Variants in RORB observed in about 807,000 individuals in gnomAD.
The protein encoded by RORB is RAR related orphan receptor B, also known as nuclear receptor ROR-beta.
RORB carries 6 observed loss-of-function variants against 59.1 expected under a neutral mutation model. The ratio of observed to expected loss-of-function variants is 0.10; its 90% CI spans 0.06 to 0.20. RORB has a LOEUF of 0.20. RORB is among the 10% of genes least tolerant of loss of function. The pLI is 1.00. For missense variants in RORB, 320 were observed against 560.5 expected, an observed-to-expected ratio of 0.57 and a Z score of 4.33; for synonymous variants, 215 against 204.5, an observed-to-expected ratio of 1.05 and a Z score of -0.44.
At chr9:74,550,842 G>A (rs1171634114) in intron 1 of RORB, among the ~76,000 whole-genome samples, 3 of 152,194 alleles carry the variant, frequency 2.0e-5, no homozygotes, top group Non-Finnish European at 4.4e-5. Context: ...CAGTTGAAAT[G>A]TGGCCAGTCC....
chr9:74,585,493 A>G (rs981272127), intron 1 of RORB, among the ~76,000 whole-genome samples: 5 of 152,190 alleles, frequency 3.3e-5, no homozygotes, highest in African/African-American at 1.2e-4. Context: ...GAAGTTGTCA[A>G]ACTGAAAATG....
intron 1 of RORB, among the ~76,000 whole-genome samples, chr9:74,561,382 T>G (rs1014817748): frequency 2.0e-5 from 3 of 152,132 alleles, no homozygotes; most frequent in Non-Finnish European, 4.4e-5. Flanking sequence ...ATAAATAACA[T>G]AAGCCTATAC....
intron 1 of RORB, among the ~76,000 whole-genome samples, chr9:74,602,591 C>T (rs940353187): frequency 6.6e-6 from 1 of 152,190 alleles, no homozygotes; most frequent in African/African-American, 2.4e-5. Context: ...ACTGTTATGA[C>T]CCTAAGCTAT....
chr9:74,640,059 A>G (rs1823772317), intron 3 of RORB, among the ~76,000 whole-genome samples: 1 of 152,234 alleles, frequency 6.6e-6, no homozygotes, highest in Admixed American at 6.5e-5. Context: ...AAAAACAACC[A>G]TCTAAATAAT....
At chr9:74,620,796 G>A (rs539487946) in intron 1 of RORB, among the ~76,000 whole-genome samples, 8 of 152,044 alleles carry the variant, frequency 5.3e-5, no homozygotes, top group East Asian at 3.9e-4. Flanking sequence ...CCTTCATTTC[G>A]TTATGTACCC....
At chr9:74,676,731 C>T (rs1824449261) in intron 9 of RORB, among the ~76,000 whole-genome samples, 1 of 152,246 alleles carries the variant, frequency 6.6e-6, no homozygotes, top group African/African-American at 2.4e-5. Flanking sequence ...GTATTTCTGG[C>T]TGGCCAGAAA....
chr9:74,679,039 A>C (rs1439605789), intron 9 of RORB, among the ~76,000 whole-genome samples: 1 of 150,828 alleles, frequency 6.6e-6, no homozygotes, highest in Non-Finnish European at 1.5e-5. Flanking sequence ...CTCAAAAAAA[A>C]AAAACAAAAA....
intron 2 of RORB, among the ~76,000 whole-genome samples, chr9:74,632,106 G>A (rs1057266325): frequency 2.0e-5 from 3 of 152,138 alleles, no homozygotes; most frequent in African/African-American, 7.2e-5. Context: ...TTTGAAAAAT[G>A]TGTGATTTCA....
intron 7 of RORB, 33 bp downstream of exon 7, chr9:74,665,628 T>C: frequency 7.6e-7 from 1 of 1,316,696 alleles, no homozygotes. Flanking sequence ...CACAATTTTA[T>C]TAGCCACCAT....
At chr9:74,554,631 C>G (rs1025046126) in intron 1 of RORB, among the ~76,000 whole-genome samples, 2 of 151,684 alleles carry the variant, frequency 1.3e-5, no homozygotes, top group African/African-American at 2.4e-5. Context: ...TTTATCTGAT[C>G]ATAGCTTCAA....
At position 74,542,819 on chromosome 9, in the gene RORB, G is replaced by A. The variant is rs1391476750; in HGVS notation, c.7+44836G>A. 2.0e-5 allele frequency among the ~76,000 whole-genome samples: 3 copies of A among 152,260 alleles called. No individual in the cohort carries two copies. In the East Asian group the frequency reaches 5.8e-4, roughly 29 times the overall value. ...TCTCAGGGTCTACTTAAAAGGTAGT[G>A]GGGTATTGTGGAAAGCCTCTGGGAG... On this transcript the variant is annotated intron_variant, in intron 1 of 9. Transcript: ENST00000376896.
chr9:74,649,042 C>A (rs1823949091), intron 4 of RORB, among the ~76,000 whole-genome samples: 1 of 151,690 alleles, frequency 6.6e-6, no homozygotes, highest in African/African-American at 2.4e-5. Flanking sequence ...TGGCTCACTG[C>A]AACCTCCACC....
At chr9:74,633,399 T>C (rs2118428965) in intron 2 of RORB, among the ~76,000 whole-genome samples, 1 of 152,284 alleles carries the variant, frequency 6.6e-6, no homozygotes, top group East Asian at 1.9e-4. Flanking sequence ...AGATAGGCAT[T>C]GAATCTACCA....
At chr9:74,660,122 C>T (rs1279126952) in intron 4 of RORB, among the ~76,000 whole-genome samples, 4 of 151,916 alleles carry the variant, frequency 2.6e-5, no homozygotes, top group African/African-American at 9.7e-5. Flanking sequence ...CATTCTGTTC[C>T]CTATTTCCTC....
At chr9:74,558,318 G>A (rs1220586123) in intron 1 of RORB, among the ~76,000 whole-genome samples, 2 of 152,148 alleles carry the variant, frequency 1.3e-5, no homozygotes, top group African/African-American at 4.8e-5. Flanking sequence ...CAGAGCTGGA[G>A]ACTGTTATTA....
intron 1 of RORB, among the ~76,000 whole-genome samples, chr9:74,529,784 C>A (rs1826208361): frequency 6.6e-6 from 1 of 151,676 alleles, no homozygotes; most frequent in Non-Finnish European, 1.5e-5. Flanking sequence ...GGTTTCTGTC[C>A]TAAATTATAG....
intron 1 of RORB, among the ~76,000 whole-genome samples, chr9:74,533,087 A>T (rs1587346408): frequency 6.6e-6 from 1 of 151,624 alleles, no homozygotes; most frequent in African/African-American, 2.4e-5. Flanking sequence ...TTCCCACTGA[A>T]CTTGCTTTAC....
chr9:74,620,241 G>A (rs1329306308), intron 1 of RORB, among the ~76,000 whole-genome samples: 2 of 152,102 alleles, frequency 1.3e-5, no homozygotes, highest in East Asian at 1.9e-4. Flanking sequence ...GTCTATTCAG[G>A]AATTCAACTT....
intron 1 of RORB, among the ~76,000 whole-genome samples, chr9:74,525,534 AT>A (rs1826144947): frequency 6.6e-6 from 1 of 151,954 alleles, no homozygotes; most frequent in African/African-American, 2.4e-5. Context: ...TACATTTCAC[AT>A]TTTATTAAAT....
Sources: gnomAD v4.1 joint callset for allele counts (sites outside exome capture counted in the v4.1 genomes callset) on GRCh38, gnomAD v4.1.1 for gene constraint, MANE v1.5 for transcripts, NCBI Gene and HGNC (gene_info 2026-07-23, HGNC 2026-07-21) for gene names.